SH3RF1: variants seen among roughly 807,000 people sequenced by gnomAD.
SH3RF1 encodes SH3 domain containing ring finger 1, also known as E3 ubiquitin-protein ligase SH3RF1.
Under a neutral mutation model 74.0 loss-of-function variants are expected in SH3RF1, and 32 were observed. The ratio of observed to expected loss-of-function variants is 0.43; its 90% CI spans 0.33 to 0.58. The LOEUF (loss-of-function observed/expected upper bound fraction) is 0.58. Ranked by LOEUF, SH3RF1 falls within the 20% of genes least tolerant of loss-of-function variation. The probability of loss-of-function intolerance (pLI) is 0.05; values close to 1 mark genes in which losing one functional copy is unlikely to be tolerated. For missense variants in SH3RF1, 954 were observed against 1,130.9 expected (o/e 0.84, Z 2.24); for synonymous variants, 396 against 439.6 (o/e 0.90, Z 1.24).
rs1199981874 is a variant in SH3RF1, at chr4:169,129,410, A to G, written c.1179+636T>C. 2.0e-5 allele frequency among the ~76,000 whole-genome samples: 3 copies of G among 152,160 alleles called. No homozygotes were observed. The East Asian group carries it at 5.8e-4, about 29-fold the overall frequency. On this transcript the variant is annotated intron_variant, in intron 6 of 11. Coordinates refer to ENST00000284637, the MANE Select transcript of SH3RF1 (RefSeq NM_020870.4). The stretch of plus-strand genomic sequence containing the variant: ...TTTCCAGAATGGCCCTCTTCTTTGT[A>G]TCTGTATCTCCTGGCTACCCTAATT...
intron 4 of SH3RF1, among the ~76,000 whole-genome samples, chr4:169,138,852 T>A (rs1162709881): frequency 6.6e-6 from 1 of 152,210 alleles, no homozygotes; most frequent in African/African-American, 2.4e-5. Flanking sequence ...TTGTTCCCAA[T>A]ATTTCCTGCT....
At chr4:169,148,483 T>G in intron 4 of SH3RF1, among the ~76,000 whole-genome samples, 1 of 152,156 alleles carries the variant, frequency 6.6e-6, no homozygotes, top group Non-Finnish European at 1.5e-5. Context: ...TGGAAGGATA[T>G]TTACCAAAAT....
chr4:169,261,548 T>G (rs1579169079), intron 2 of SH3RF1, among the ~76,000 whole-genome samples: 1 of 149,510 alleles, frequency 6.7e-6, no homozygotes, highest in Non-Finnish European at 1.5e-5. Flanking sequence ...TAATAATGTA[T>G]AGTGAGCCGT....
chr4:169,197,495 G>A (rs889418394), intron 2 of SH3RF1, among the ~76,000 whole-genome samples: 1 of 151,696 alleles, frequency 6.6e-6, no homozygotes, highest in Non-Finnish European at 1.5e-5. Context: ...TCGTGGTGGT[G>A]CCCCTGTAAT....
At chr4:169,122,626 T>C (rs1733460376) in intron 6 of SH3RF1, among the ~76,000 whole-genome samples, 1 of 152,180 alleles carries the variant, frequency 6.6e-6, no homozygotes, top group Admixed American at 6.5e-5. Context: ...CGGGTAGCCA[T>C]GTCATGCTGC....
chr4:169,250,324 A>C (rs1731080569), intron 2 of SH3RF1, among the ~76,000 whole-genome samples: 1 of 152,208 alleles, frequency 6.6e-6, no homozygotes, highest in Admixed American at 6.5e-5. Flanking sequence ...GGTTTAAAAA[A>C]AAAAAAGCTT....
chr4:169,203,045 G>A (rs1734936720), intron 2 of SH3RF1, among the ~76,000 whole-genome samples: 1 of 152,176 alleles, frequency 6.6e-6, no homozygotes, highest in Non-Finnish European at 1.5e-5. Context: ...AGGGCTCTGA[G>A]AAGTTCTGCA....
At chr4:169,230,132 G>A (rs553767682) in intron 2 of SH3RF1, among the ~76,000 whole-genome samples, 83 of 152,262 alleles carry the variant, frequency 5.5e-4, no homozygotes, top group African/African-American at 1.9e-3. Context: ...TTGAACCCAG[G>A]GGCGGAGGCT....
intron 2 of SH3RF1, among the ~76,000 whole-genome samples, chr4:169,169,671 G>A (rs1258795098): frequency 1.3e-5 from 2 of 152,092 alleles, no homozygotes; most frequent in Non-Finnish European, 2.9e-5. Flanking sequence ...GGTGAGAGAA[G>A]GAAGGAAGAT....
chr4:169,205,106 T>C (rs999617277), intron 2 of SH3RF1, among the ~76,000 whole-genome samples: 9 of 152,218 alleles, frequency 5.9e-5, no homozygotes, highest in African/African-American at 1.9e-4. Context: ...TGAAGGGAAA[T>C]AGCTTCATTA....
At position 169,107,016 on chromosome 4, in the gene SH3RF1, C is replaced by T. The variant is rs1733156343; in HGVS notation, c.2329G>A (p.Gly777Arg). The change falls in exon 11 of 12, where the codon GGG becomes AGG. Residue 777 changes from glycine (G) to arginine (R), a missense_variant. Around this residue, in one of 3 missense-constraint regions of SH3RF1, gnomAD observed 854 missense variants for 962.5 expected, o/e 0.89. Coordinates refer to ENST00000284637, the MANE Select transcript of SH3RF1 (RefSeq NM_020870.4). The part of the protein sequence containing the change: ...HGRAGSCPVD[G>R]DGPVTTAVAG... ...ACTGCAGTCGTGACCGGTCCGTCCC[C>T]GTCCACAGGGCAGGAGCCTGCCCTG... The T allele has an allele frequency of 1.2e-6, 2 of 1,613,916 alleles. No individual in the cohort carries two copies. Among genetic ancestry groups the T allele is most frequent in the African/African-American group, 1.3e-5 (1 of 75,028 alleles).
chr4:169,210,674 G>A (rs1425002958), intron 2 of SH3RF1, among the ~76,000 whole-genome samples: 2 of 152,214 alleles, frequency 1.3e-5, no homozygotes, highest in East Asian at 1.9e-4. Flanking sequence ...ACTGTGACCT[G>A]ACTGGATGTG....
chr4:169,198,897 A>T (rs79814612), intron 2 of SH3RF1, among the ~76,000 whole-genome samples: 2,695 of 152,276 alleles, frequency 0.018, 73 homozygotes, highest in African/African-American at 0.062. Context: ...TAAAACAAGA[A>T]CAAGAGAAAA....
intron 2 of SH3RF1, among the ~76,000 whole-genome samples, chr4:169,245,465 T>C (rs984828935): frequency 1.3e-5 from 2 of 152,192 alleles, no homozygotes; most frequent in Non-Finnish European, 2.9e-5. Flanking sequence ...TCCACTAAAA[T>C]CTACTATATT....
intron 2 of SH3RF1, among the ~76,000 whole-genome samples, chr4:169,192,203 A>G (rs1734730254): frequency 6.6e-6 from 1 of 152,196 alleles, no homozygotes; most frequent in South Asian, 2.1e-4. Flanking sequence ...CAACAAGAAA[A>G]AAACAATCTC....
At chr4:169,148,763 G>GA (rs1733931611) in intron 4 of SH3RF1, among the ~76,000 whole-genome samples, 1 of 152,068 alleles carries the variant, frequency 6.6e-6, no homozygotes, top group Non-Finnish European at 1.5e-5. Context: ...TGTTGCATAC[G>GA]AAAATTAGGG....
chr4:169,122,050 A>G (rs1733444335), intron 7 of SH3RF1, 50 bp downstream of exon 7: 1 of 1,596,036 alleles, frequency 6.3e-7, no homozygotes, highest in African/African-American at 1.3e-5. Context: ...TGAGGTTTGG[A>G]CTTCGTTTAA....
intron 4 of SH3RF1, among the ~76,000 whole-genome samples, chr4:169,149,053 T>C (rs1240130522): frequency 2.6e-5 from 4 of 152,218 alleles, no homozygotes; most frequent in Non-Finnish European, 5.9e-5. Flanking sequence ...TCTGCGTTTT[T>C]ATGTTCTATG....
At chr4:169,158,495 A>G (rs1734098510) in intron 2 of SH3RF1, among the ~76,000 whole-genome samples, 2 of 152,178 alleles carry the variant, frequency 1.3e-5, no homozygotes, top group Admixed American at 6.5e-5. Flanking sequence ...CATATGAAAG[A>G]GTTTTTATTG....
Sources: gnomAD v4.1 joint callset for allele counts (sites outside exome capture counted in the v4.1 genomes callset) on GRCh38, gnomAD v4.1.1 for gene constraint, gnomAD v4.1.1 regional missense constraint, MANE v1.5 for transcripts, NCBI Gene and HGNC (gene_info 2026-07-23, HGNC 2026-07-21) for gene names.